MAP2K2: variants seen among roughly 807,000 people sequenced by gnomAD.
MAP2K2 encodes dual specificity mitogen-activated protein kinase kinase 2.
MAP2K2 carries 24 observed loss-of-function variants against 43.7 expected under a neutral mutation model. The observed-to-expected ratio is 0.55, with a 90% CI of 0.40 to 0.77. MAP2K2 has a LOEUF of 0.77. MAP2K2 is among the 30% of genes least tolerant of loss of function. The pLI is 0.00. For synonymous variants in MAP2K2, 244 were observed against 239.7 expected (o/e 1.02, Z -0.17); for missense variants, 470 against 566.8 (o/e 0.83, Z 1.73).
intron 10 of MAP2K2, 29 bp downstream of exon 10, chr19:4,094,424 C>T (rs367862659): frequency 6.8e-5 from 105 of 1,552,344 alleles, no homozygotes; most frequent in Admixed American, 2.3e-4. Flanking sequence ...TGCACCCTCC[C>T]GGTCCCAGAA....
intron 10 of MAP2K2, among the ~76,000 whole-genome samples, chr19:4,093,142 T>C (rs2040870247): frequency 6.6e-6 from 1 of 152,062 alleles, no homozygotes; most frequent in South Asian, 2.1e-4. Flanking sequence ...TCCCTGAACC[T>C]GGGAGGCGGA....
intron 1 of MAP2K2, among the ~76,000 whole-genome samples, chr19:4,123,578 G>GGTCCCCTGCCCCGTCCTCCCCCGAGT (rs1819328122): frequency 8.5e-6 from 1 of 117,464 alleles, no homozygotes; most frequent in Non-Finnish European, 1.8e-5. Flanking sequence ...CTCCCCCGAG[G>GGTCCCCTGCCCCGTCCTCCCCCGAGT]GCCCCCTGCC....
chr19:4,123,080 C>G (rs1273688158), intron 1 of MAP2K2, among the ~76,000 whole-genome samples: 1 of 150,884 alleles, frequency 6.6e-6, no homozygotes, highest in East Asian at 2.0e-4. Flanking sequence ...TCACCCTCAT[C>G]TCATGACTAC....
At chr19:4,113,117 C>T (rs1007493852) in intron 2 of MAP2K2, among the ~76,000 whole-genome samples, 1 of 152,136 alleles carries the variant, frequency 6.6e-6, no homozygotes, top group Non-Finnish European at 1.5e-5. Context: ...AAAGAGCGCG[C>T]GTTCGGCTGG....
In MAP2K2 at chr19:4,123,875, TC is replaced by T. The variant is rs1214543006; in HGVS notation, c.-1del. 2 of 1,461,252 alleles carry T rather than the reference TC, an allele frequency of 1.4e-6. No individual in the cohort carries two copies. Among genetic ancestry groups the T allele is most frequent in the East Asian group, 2.9e-5 (1 of 34,982 alleles). 90.5% of individuals were successfully genotyped at this position (1,461,252 alleles called of 1,614,324 possible). On this transcript the variant is annotated 5_prime_UTR_variant, in exon 1 of 11. Coordinates refer to ENST00000262948, the MANE Select transcript of MAP2K2 (RefSeq NM_030662.4). ...AGCACCGGCTTCCTCCGGGCCAGCA[TC>T]GGGGCTCCGCGGGCCGGCGGCGGCG...
chr19:4,091,290 A>T (rs1394627473), intron 10 of MAP2K2, among the ~76,000 whole-genome samples: 1 of 152,216 alleles, frequency 6.6e-6, no homozygotes, highest in Non-Finnish European at 1.5e-5. Flanking sequence ...TGTGGCTCCC[A>T]TGGCTTGAGA....
rs190628021 is a variant in MAP2K2, at chr19:4,102,964, G to A, written c.451-511C>T. The A allele has an allele frequency of 4.3e-5, 48 of 1,103,510 alleles. No individual in the cohort carries two copies. The East Asian group carries it at 3.2e-3, about 74-fold the overall frequency. The allele number at this position is 1,103,510 out of a possible 1,614,324, so 68.4% of individuals were successfully genotyped here. A position where few individuals can be genotyped will look rare whatever the true frequency, so the allele number is the denominator to read the frequency against. On this transcript the variant is annotated intron_variant, in intron 3 of 10. Coordinates refer to ENST00000262948, the MANE Select transcript of MAP2K2 (RefSeq NM_030662.4). ...CTGCCCCGCGTGGGAGGAGGCGGCG[G>A]GTCGCTGTGTGCCCGTCCAGACCCC...
chr19:4,095,822 T>G (rs991592994), intron 8 of MAP2K2, among the ~76,000 whole-genome samples: 4 of 152,238 alleles, frequency 2.6e-5, no homozygotes, highest in African/African-American at 9.6e-5. Context: ...TTGCCCAGGC[T>G]GGAGTGCAAT....
At chr19:4,099,500 C>T (rs2040970543) in intron 6 of MAP2K2, 86 bp from the exon 7 acceptor site, 4 of 1,052,372 alleles carry the variant, frequency 3.8e-6, no homozygotes, top group Non-Finnish European at 5.7e-6. Flanking sequence ...CAGCCCCCGT[C>T]ACCCTCTCCA....
Position 4,101,975 on chromosome 19 carries a change from G to A in MAP2K2, c.528+401C>T, listed in dbSNP as rs914567111. 3.3e-5 allele frequency among the ~76,000 whole-genome samples: 5 copies of A among 152,096 alleles called. No homozygotes were observed. The highest frequency in any genetic ancestry group is 5.9e-5 in the Non-Finnish European group (4 of 68,000). On this transcript the variant is annotated intron_variant, in intron 4 of 10. Transcript: ENST00000262948. This position sits in a 1 kb window ranked among gnomAD's most constrained non-coding sequence, Gnocchi z 6.3. The stretch of plus-strand genomic sequence containing the variant: ...GGGCAGCAGAGACGCCCTTGGCCCC[G>A]GTGACATTTCTAACAGCAATGGTGA...
chr19:4,093,743 G>A (rs532544198), intron 10 of MAP2K2, among the ~76,000 whole-genome samples: 1 of 152,254 alleles, frequency 6.6e-6, no homozygotes, highest in Non-Finnish European at 1.5e-5. Context: ...GAAGGCACCC[G>A]GTTGGGTGTC....
intron 10 of MAP2K2, among the ~76,000 whole-genome samples, chr19:4,093,136 T>C (rs560572329): frequency 2.6e-5 from 4 of 152,122 alleles, no homozygotes; most frequent in African/African-American, 9.7e-5. Context: ...GAGAATTCCC[T>C]GAACCTGGGA....
At chr19:4,110,253 G>A (rs2041136953) in intron 3 of MAP2K2, among the ~76,000 whole-genome samples, 1 of 152,130 alleles carries the variant, frequency 6.6e-6, no homozygotes, top group African/African-American at 2.4e-5. Flanking sequence ...GCAGTGAGCC[G>A]AGATTGTGCC....
chr19:4,097,798 G>T (rs1288023830), intron 7 of MAP2K2, among the ~76,000 whole-genome samples: 1 of 152,184 alleles, frequency 6.6e-6, no homozygotes, highest in African/African-American at 2.4e-5. Context: ...ACCCCTGTCT[G>T]AGAACCAGCT....
chr19:4,093,651 T>C (rs2040876039), intron 10 of MAP2K2, among the ~76,000 whole-genome samples: 1 of 152,110 alleles, frequency 6.6e-6, no homozygotes, highest in Admixed American at 6.6e-5. Context: ...ATTGCTTCAC[T>C]GCACTCCAGT....
At chr19:4,118,012 C>T (rs1486611414) in intron 1 of MAP2K2, among the ~76,000 whole-genome samples, 3 of 152,028 alleles carry the variant, frequency 2.0e-5, no homozygotes, top group Non-Finnish European at 2.9e-5. Flanking sequence ...ATCTCGGCTC[C>T]CTGCAACCTT....
At chr19:4,113,344 C>T (rs1476289884) in intron 2 of MAP2K2, among the ~76,000 whole-genome samples, 1 of 152,110 alleles carries the variant, frequency 6.6e-6, no homozygotes, top group East Asian at 1.9e-4. Context: ...ATACCTGGGG[C>T]CTGTCGAGCG....
In MAP2K2 at chr19:4,114,906, G is replaced by A. The variant is rs544067299; in HGVS notation, c.303+2513C>T. Among the ~76,000 whole-genome samples the A allele has an allele frequency of 2.6e-4, 40 of 152,056 alleles. No homozygotes were observed. The East Asian group carries it at 7.5e-3, about 29-fold the overall frequency. ...GATTGTGCCACTGCACTCCAGTCTGGGTGACAGAGCGAGACTCTGTCTCAA... is the reference window on the plus strand; with the variant it reads ...GATTGTGCCACTGCACTCCAGTCTGAGTGACAGAGCGAGACTCTGTCTCAA... On this transcript the variant is annotated intron_variant, in intron 2 of 10. Coordinates refer to ENST00000262948, the MANE Select transcript of MAP2K2 (RefSeq NM_030662.4).
Position 4,099,212 on chromosome 19 carries a change from C to T in MAP2K2, c.908G>A (p.Arg303His), listed in dbSNP as rs1251433138. ...SISPRPRPPG[R>H]PVSGHGMDSR... ...GATTCAGGCCGTACCGCTGACGGGGCGCCCGGGGGGCCTCGGCCGAGGCGA... is the reference window on the plus strand; with the variant it reads ...GATTCAGGCCGTACCGCTGACGGGGTGCCCGGGGGGCCTCGGCCGAGGCGA... The change falls in exon 7 of 11, where the codon CGC (arginine) becomes CAC (histidine). Residue 303 changes from arginine to histidine, a missense_variant. Around this residue, in one of 3 missense-constraint regions of MAP2K2, gnomAD observed 212 missense variants for 220.8 expected, o/e 0.96. Transcript: ENST00000262948. 15 of 1,602,606 alleles carry T rather than the reference C, an allele frequency of 9.4e-6. No individual in the cohort carries two copies. The highest frequency in any genetic ancestry group is 1.3e-5 in the African/African-American group (1 of 74,924).
Sources: gnomAD v4.1 joint callset for allele counts (sites outside exome capture counted in the v4.1 genomes callset) on GRCh38, gnomAD v4.1.1 for gene constraint, gnomAD v4.1.1 regional missense constraint, Gnocchi (gnomAD v3.1) non-coding constraint, MANE v1.5 for transcripts, NCBI Gene and HGNC (gene_info 2026-07-23, HGNC 2026-07-21) for gene names.